Variants in PDE8B observed in about 807,000 individuals in gnomAD.
The protein encoded by PDE8B is phosphodiesterase 8B.
A neutral mutation model predicts 101.3 loss-of-function variants in PDE8B; 26 were observed. The observed-to-expected ratio is 0.26, with a 90% CI of 0.19 to 0.36. PDE8B has a LOEUF of 0.36. Among genes scored for constraint, PDE8B ranks in the 10% least tolerant of loss-of-function variants. The pLI is 1.00. For synonymous variants in PDE8B, 424 were observed against 429.3 expected (o/e 0.99, Z 0.15); for missense variants, 810 against 1,163.1 (o/e 0.70, Z 4.42).
intron 10 of PDE8B, among the ~76,000 whole-genome samples, chr5:77,357,927 G>A (rs17683162): frequency 0.52 from 78,488 of 152,072 alleles, 22,825 homozygotes; most frequent in African/African-American, 0.79. Flanking sequence ...TCTGCTGCCT[G>A]CAACCCTTGG....
chr5:77,369,858 C>T (rs1581286567), intron 10 of PDE8B, among the ~76,000 whole-genome samples: 1 of 132,230 alleles, frequency 7.6e-6, no homozygotes, highest in Non-Finnish European at 1.6e-5. Flanking sequence ...GTGAAAAAGA[C>T]ACCCAGAGCT....
At chr5:77,424,920 C>T (rs1581649998) in intron 20 of PDE8B, among the ~76,000 whole-genome samples, 2 of 151,982 alleles carry the variant, frequency 1.3e-5, no homozygotes, top group South Asian at 2.1e-4. Flanking sequence ...AAACTCCAGG[C>T]CCCAAGCGAA....
chr5:77,118,787 T>C, the PDE8B span: 123,825 of 160,518 alleles, frequency 0.77, 48,535 homozygotes, highest in African/African-American at 0.92. Context: ...TATTAACCGA[T>C]AAGGGGCGAA....
At chr5:77,340,943 A>G (rs1779110010) in intron 6 of PDE8B, among the ~76,000 whole-genome samples, 1 of 152,026 alleles carries the variant, frequency 6.6e-6, no homozygotes, top group African/African-American at 2.4e-5. Context: ...TATTACCTAT[A>G]CTTCATGGGT....
chr5:77,220,679 A>G (rs1385126240), intron 1 of PDE8B, among the ~76,000 whole-genome samples: 1 of 152,244 alleles, frequency 6.6e-6, no homozygotes. Context: ...TGTTGAAACA[A>G]TATTGCTGTG....
At chr5:77,377,258 A>G (rs1786313602) in intron 10 of PDE8B, among the ~76,000 whole-genome samples, 1 of 152,174 alleles carries the variant, frequency 6.6e-6, no homozygotes, top group African/African-American at 2.4e-5. Context: ...AACAGAATAC[A>G]CCTATGAAAG....
chr5:77,426,328 C>A, intron 21 of PDE8B, 117 bp from the exon 22 acceptor site: 2 of 729,858 alleles, frequency 2.7e-6, no homozygotes, highest in African/African-American at 1.7e-5. Flanking sequence ...TCATGCTTCG[C>A]CCAGGGTGTG....
At chr5:77,214,506 A>G (rs1749220483) in intron 1 of PDE8B, among the ~76,000 whole-genome samples, 1 of 152,232 alleles carries the variant, frequency 6.6e-6, no homozygotes, top group Admixed American at 6.5e-5. Flanking sequence ...AATGAGGAGG[A>G]TAAATCTCCT....
chr5:77,221,194 G>A (rs944937228), intron 1 of PDE8B, among the ~76,000 whole-genome samples: 8 of 152,026 alleles, frequency 5.3e-5, no homozygotes, highest in Non-Finnish European at 1.0e-4. Flanking sequence ...CTGTTTGTTG[G>A]TATCCAAACA....
At chr5:77,422,053 C>A in intron 20 of PDE8B, 65 bp downstream of exon 20, 1 of 1,499,490 alleles carries the variant, frequency 6.7e-7, no homozygotes, top group Non-Finnish European at 9.2e-7. Flanking sequence ...CATGGAACTC[C>A]TGGGGGATTC....
chr5:77,189,436 T>C, the PDE8B span, among the ~76,000 whole-genome samples: 2 of 152,176 alleles, frequency 1.3e-5, no homozygotes, highest in African/African-American at 2.4e-5. Context: ...GAAAGAGCAA[T>C]AATAACTGTC....
the PDE8B span, chr5:77,147,632 G>A: frequency 2.0e-5 from 3 of 152,070 alleles, no homozygotes; most frequent in African/African-American, 7.3e-5. Context: ...GTAAAAAAAT[G>A]TTCTAATCCA....
At chr5:77,329,585 G>A (rs1484768781) in intron 4 of PDE8B, among the ~76,000 whole-genome samples, 2 of 152,296 alleles carry the variant, frequency 1.3e-5, no homozygotes, top group East Asian at 3.9e-4. Context: ...AAGGGATTGC[G>A]CTGTAGGTGC....
chr5:77,362,415 T>G (rs1324192503), intron 10 of PDE8B, among the ~76,000 whole-genome samples: 4 of 152,234 alleles, frequency 2.6e-5, no homozygotes, highest in African/African-American at 9.6e-5. Context: ...GCATACATGA[T>G]GGTAAGCTAT....
At chr5:77,162,899 A>G in the PDE8B span, among the ~76,000 whole-genome samples, 1 of 152,214 alleles carries the variant, frequency 6.6e-6, no homozygotes, top group Non-Finnish European at 1.5e-5. Context: ...ACTATTCACA[A>G]TAGTTCTTAG....
intron 1 of PDE8B, among the ~76,000 whole-genome samples, chr5:77,226,864 G>C (rs1417142538): frequency 6.6e-6 from 1 of 152,110 alleles, no homozygotes; most frequent in Non-Finnish European, 1.5e-5. Context: ...ATTGTTTAGA[G>C]GAGGTTTGTC....
chr5:77,120,574 C>T, the PDE8B span, among the ~76,000 whole-genome samples: 44 of 152,164 alleles, frequency 2.9e-4, no homozygotes, highest in African/African-American at 9.2e-4. Flanking sequence ...AATGGATATA[C>T]GTATGATAAA....
Position 77,427,787 on chromosome 5 carries a change from ATCCT to A in PDE8B, c.*1238_*1241del, listed in dbSNP as rs537704982. 9.2e-5 allele frequency: 14 copies of A among 152,290 alleles called. No individual in the cohort carries two copies. The highest frequency in any genetic ancestry group is 2.9e-4 in the African/African-American group (12 of 41,580). 9.4% of individuals were successfully genotyped at this position (152,290 alleles called of 1,614,324 possible). A position where few individuals can be genotyped will look rare whatever the true frequency, so the allele number is the denominator to read the frequency against. On this transcript the variant is annotated 3_prime_UTR_variant, in exon 22 of 22. Transcript: ENST00000264917. Reference sequence around the variant, plus strand: ...ATTTTCCTTTCTCTTTTACCAGCTGATCCTTCCTATGTATTATAAATATTAGACT... The same window carrying A: ...ATTTTCCTTTCTCTTTTACCAGCTGATCCTATGTATTATAAATATTAGACT...
intron 9 of PDE8B, among the ~76,000 whole-genome samples, chr5:77,351,451 C>T (rs113177947): frequency 1.3e-5 from 2 of 152,198 alleles, no homozygotes; most frequent in Admixed American, 6.5e-5. Context: ...CCCATAACAA[C>T]AATGATCTCC....
Sources: gnomAD v4.1 joint callset for allele counts (sites outside exome capture counted in the v4.1 genomes callset) on GRCh38, gnomAD v4.1.1 for gene constraint, MANE v1.5 for transcripts, NCBI Gene and HGNC (gene_info 2026-07-23, HGNC 2026-07-21) for gene names.